The following SLC4A4 variants were observed in gnomAD, a reference collection of about 807,000 sequenced individuals.
SLC4A4 encodes solute carrier family 4 member 4.
In SLC4A4, 27 loss-of-function variants were observed where a neutral mutation model predicts 111.5. That is an observed-to-expected ratio of 0.24 (90% CI 0.18 to 0.33). SLC4A4 has a LOEUF of 0.33. Among genes scored for constraint, SLC4A4 ranks in the 10% least tolerant of loss-of-function variants. The pLI is 1.00. For synonymous variants in SLC4A4, 443 were observed against 463.4 expected (o/e 0.96, Z 0.57); for missense variants, 909 against 1,315.5 (o/e 0.69, Z 4.78).
At chr4:71,297,751 C>G (rs1724922869) in intron 3 of SLC4A4, among the ~76,000 whole-genome samples, 1 of 151,878 alleles carries the variant, frequency 6.6e-6, no homozygotes, top group Non-Finnish European at 1.5e-5. Context: ...CCACCCCTGG[C>G]TAATTTTTGT....
rs1168996571 is a variant in SLC4A4, at chr4:71,443,116, C to CTATATATATA, written c.965+2370_965+2379dup. ...TCTCTCTCTCTCTCTCTCTCTCTCT[C>CTATATATATA]TATATATATATATATATATATATAT... On this transcript the variant is annotated intron_variant, in intron 8 of 25. Transcript: ENST00000264485. Among the ~76,000 whole-genome samples, 29 of 65,650 alleles carry CTATATATATA rather than the reference C, an allele frequency of 4.4e-4. 1 individual carries two copies. The highest frequency in any genetic ancestry group is 6.7e-4 in the Admixed American group (4 of 5,988). 43.1% of individuals were successfully genotyped at this position (65,650 alleles called of 152,430 possible).
At chr4:71,555,485 C>T (rs1411437968) in intron 21 of SLC4A4, among the ~76,000 whole-genome samples, 1 of 151,858 alleles carries the variant, frequency 6.6e-6, no homozygotes, top group African/African-American at 2.4e-5. Flanking sequence ...TCTTTTCCTT[C>T]CCCTTACCCA....
intron 18 of SLC4A4, among the ~76,000 whole-genome samples, chr4:71,544,543 T>G (rs1315224735): frequency 6.6e-6 from 1 of 152,056 alleles, no homozygotes; most frequent in Non-Finnish European, 1.5e-5. Context: ...AGGCTCCACC[T>G]TAAGGTATAG....
At chr4:71,064,811 G>T (rs1173604748) in intron 1 of SLC4A4, among the ~76,000 whole-genome samples, 1 of 152,162 alleles carries the variant, frequency 6.6e-6, no homozygotes, top group Non-Finnish European at 1.5e-5. Context: ...TAAAATTTGC[G>T]CTGTGCCACT....
At chr4:71,332,944 G>T (rs1236668541) in intron 3 of SLC4A4, among the ~76,000 whole-genome samples, 1 of 152,130 alleles carries the variant, frequency 6.6e-6, no homozygotes, top group Non-Finnish European at 1.5e-5. Context: ...ATTTCATTGA[G>T]CTTCCGCAAA....
At chr4:71,148,122 A>C (rs1365796154) in intron 2 of SLC4A4, among the ~76,000 whole-genome samples, 2 of 152,174 alleles carry the variant, frequency 1.3e-5, no homozygotes, top group Non-Finnish European at 2.9e-5. Context: ...CCCACTACTG[A>C]CTTATGTTCC....
chr4:71,438,654 T>C lies in SLC4A4; in HGVS notation c.808-1962T>C, dbSNP rs35761197. ...ATAAATGCAATCATTCGATAACTAG[T>C]AATGTTTAGATAATCTCAAATCCTT... On this transcript the variant is annotated intron_variant, in intron 7 of 25. Transcript: ENST00000264485. 3.5e-3 allele frequency among the ~76,000 whole-genome samples: 528 copies of C among 152,344 alleles called. 5 individuals are homozygous for C. Among genetic ancestry groups the C allele is most frequent in the Non-Finnish European group, 5.4e-3 (370 of 68,024 alleles).
chr4:71,503,988 C>G (rs1731168846), intron 16 of SLC4A4, among the ~76,000 whole-genome samples: 1 of 152,142 alleles, frequency 6.6e-6, no homozygotes, highest in Non-Finnish European at 1.5e-5. Flanking sequence ...CCCATTCTCT[C>G]CTGACTGGCA....
At chr4:71,254,728 T>C (rs1052116441) in intron 2 of SLC4A4, among the ~76,000 whole-genome samples, 4 of 152,126 alleles carry the variant, frequency 2.6e-5, no homozygotes, top group Non-Finnish European at 5.9e-5. Context: ...ATCTTTATTT[T>C]TGCAGCGCCA....
At chr4:71,107,895 TCTCA>T (rs1200334523) in intron 2 of SLC4A4, among the ~76,000 whole-genome samples, 1 of 152,004 alleles carries the variant, frequency 6.6e-6, no homozygotes, top group East Asian at 1.9e-4. Context: ...GAAGACAGGG[TCTCA>T]CTCGGTTGTC....
At chr4:71,461,827 G>A (rs1272808295) in intron 12 of SLC4A4, among the ~76,000 whole-genome samples, 1 of 152,070 alleles carries the variant, frequency 6.6e-6, no homozygotes, top group African/African-American at 2.4e-5. Context: ...AATGTTTTTG[G>A]ATATCGATTT....
intron 3 of SLC4A4, among the ~76,000 whole-genome samples, chr4:71,334,129 G>A (rs779021945): frequency 2.6e-5 from 4 of 152,092 alleles, no homozygotes; most frequent in Non-Finnish European, 4.4e-5. Flanking sequence ...GGTCACACCT[G>A]AAGCCAGCAT....
chr4:71,301,087 G>A, intron 3 of SLC4A4: 1 of 390,010 alleles, frequency 2.6e-6, no homozygotes, highest in Non-Finnish European at 5.1e-6. Context: ...GCTGAGGAGG[G>A]CTGGAAGGAC....
chr4:71,294,905 A>T (rs1724655050), intron 3 of SLC4A4, among the ~76,000 whole-genome samples: 1 of 152,206 alleles, frequency 6.6e-6, no homozygotes, highest in Non-Finnish European at 1.5e-5. Flanking sequence ...AAGACAGTTT[A>T]GTTTTTTCCT....
At position 71,292,840 on chromosome 4, in the gene SLC4A4, TTG is replaced by T. The variant is rs1472541583; in HGVS notation, c.253+37443_253+37444del. ...GAGTATGTCTTACTTTTGGTTTTTT[TTG>T]TTTTTTTTTTTTTTTTTTTGAGACA... On this transcript the variant is annotated intron_variant, in intron 3 of 25. Transcript: ENST00000264485. 1.9e-3 allele frequency among the ~76,000 whole-genome samples: 269 copies of T among 138,602 alleles called. 12 individuals are homozygous for T. The highest frequency in any genetic ancestry group is 7.5e-3 in the African/African-American group (264 of 35,004). The allele number at this position is 138,602 out of a possible 152,430, so 90.9% of individuals were successfully genotyped here.
chr4:71,338,514 CTCTT>C (rs950829173), intron 3 of SLC4A4, among the ~76,000 whole-genome samples: 3 of 151,268 alleles, frequency 2.0e-5, no homozygotes, highest in Non-Finnish European at 2.9e-5. Flanking sequence ...TTCTCTCTCT[CTCTT>C]TCTTTTCTTC....
At chr4:71,358,908 C>T (rs553272380) in intron 6 of SLC4A4, among the ~76,000 whole-genome samples, 109 of 151,984 alleles carry the variant, frequency 7.2e-4, no homozygotes, top group Non-Finnish European at 1.1e-3. Context: ...AGATGAAATC[C>T]CAATATTTGC....
intron 1 of SLC4A4, among the ~76,000 whole-genome samples, chr4:71,227,010 A>G (rs911209311): frequency 1.3e-5 from 2 of 152,162 alleles, no homozygotes; most frequent in African/African-American, 4.8e-5. Flanking sequence ...GAGCCATGAC[A>G]TGCCCAAGTA....
intron 2 of SLC4A4, among the ~76,000 whole-genome samples, chr4:71,098,280 G>A (rs1436206661): frequency 6.6e-6 from 1 of 152,120 alleles, no homozygotes; most frequent in African/African-American, 2.4e-5. Flanking sequence ...TATTAAATAG[G>A]TAGCCCTTTC....
Sources: allele counts gnomAD v4.1 joint callset (sites outside exome capture counted in the v4.1 genomes callset), GRCh38; gene constraint gnomAD v4.1.1; transcripts MANE v1.5; gene names NCBI Gene and HGNC (gene_info 2026-07-23, HGNC 2026-07-21).